The following IFT43 variants were observed in gnomAD, a reference collection of about 807,000 sequenced individuals.
IFT43 encodes the protein intraflagellar transport 43.
Under a neutral mutation model 32.3 loss-of-function variants are expected in IFT43, and 33 were observed. The ratio of observed to expected loss-of-function variants is 1.02; its 90% confidence interval spans 0.77 to 1.37. The LOEUF (loss-of-function observed/expected upper bound fraction) is 1.37, where lower values mean the gene tolerates loss of function less well. IFT43 is among the 40% of genes most tolerant of loss of function. IFT43 has a pLI of 0.00. For missense variants in IFT43, 274 were observed against 265.9 expected, an observed-to-expected ratio of 1.03 and a Z score of -0.21; for synonymous variants, 93 against 98.2, an observed-to-expected ratio of 0.95 and a Z score of 0.31.
intron 2 of IFT43, among the ~76,000 whole-genome samples, chr14:76,011,087 A>ATTC (rs1306075514): frequency 6.6e-6 from 1 of 151,372 alleles, no homozygotes; most frequent in African/African-American, 2.4e-5. Context: ...TATTATTATT[A>ATTC]TTGGTAGAGA....
intron 2 of IFT43, among the ~76,000 whole-genome samples, chr14:75,990,481 C>G (rs977065339): frequency 2.0e-5 from 3 of 152,162 alleles, no homozygotes; most frequent in Admixed American, 2.0e-4. Context: ...GAGGTTGTGT[C>G]TTATCATCGT....
intron 1 of IFT43, among the ~76,000 whole-genome samples, chr14:75,988,296 T>A (rs1286534283): frequency 6.6e-6 from 1 of 152,108 alleles, no homozygotes; most frequent in East Asian, 1.9e-4. Context: ...GGAGGATCAC[T>A]TGAGCCTAGG....
intron 5 of IFT43, among the ~76,000 whole-genome samples, chr14:76,069,669 C>T (rs915580660): frequency 1.3e-5 from 2 of 152,212 alleles, no homozygotes; most frequent in African/African-American, 4.8e-5. Flanking sequence ...CATCTCAGAG[C>T]TAAATTCAAG....
Position 76,015,172 on chromosome 14 carries a change from C to T in IFT43, c.148-7155C>T, listed in dbSNP as rs2036161964. On this transcript the variant is annotated intron_variant, in intron 2 of 8. Transcript: ENST00000314067. ...ATTAATTAAGTCCGTCTCATCCAGA[C>T]AGGGTATTTGTGTGTGCCCCTAACA... Among the ~76,000 whole-genome samples, 3 of 152,312 alleles carry T rather than the reference C, an allele frequency of 2.0e-5. 1 individual carries two copies. The highest frequency in any genetic ancestry group is 7.2e-5 in the African/African-American group (3 of 41,564).
intron 3 of IFT43, among the ~76,000 whole-genome samples, chr14:76,031,285 G>A (rs2036505797): frequency 6.6e-6 from 1 of 152,024 alleles, no homozygotes; most frequent in African/African-American, 2.4e-5. Flanking sequence ...TTTTCTAAAT[G>A]GCTATTGTCC....
chr14:76,039,088 G>T (rs2036657986), intron 3 of IFT43, among the ~76,000 whole-genome samples: 1 of 151,880 alleles, frequency 6.6e-6, no homozygotes, highest in African/African-American at 2.4e-5. Flanking sequence ...AGGCACGCAG[G>T]TCTAATGTTA....
intron 2 of IFT43, among the ~76,000 whole-genome samples, chr14:75,998,745 G>A (rs1221155186): frequency 1.3e-5 from 2 of 152,196 alleles, no homozygotes; most frequent in Admixed American, 6.5e-5. Flanking sequence ...GGCCATGTGT[G>A]CCTGGCACAG....
intron 3 of IFT43, among the ~76,000 whole-genome samples, chr14:76,056,980 C>T (rs2037030652): frequency 6.6e-6 from 1 of 152,200 alleles, no homozygotes; most frequent in East Asian, 1.9e-4. Flanking sequence ...CCCATTCTGT[C>T]TCCTTCTGCC....
chr14:76,003,886 C>A (rs529035850), intron 2 of IFT43, among the ~76,000 whole-genome samples: 2 of 151,964 alleles, frequency 1.3e-5, no homozygotes, highest in Admixed American at 1.3e-4. Flanking sequence ...AAGCAATTCT[C>A]CTGCCTCAGC....
At chr14:76,062,070 C>T (rs763302762) in intron 5 of IFT43, among the ~76,000 whole-genome samples, 3 of 151,238 alleles carry the variant, frequency 2.0e-5, no homozygotes, top group Non-Finnish European at 4.4e-5. Flanking sequence ...CATATTTTTC[C>T]GCTTCTTTTT....
chr14:76,029,958 T>C (rs1490294432), intron 3 of IFT43, among the ~76,000 whole-genome samples: 1 of 151,354 alleles, frequency 6.6e-6, no homozygotes, highest in Admixed American at 6.6e-5. Flanking sequence ...CATAGTTCAC[T>C]GTAACCCAGA....
At chr14:76,057,467 A>C (rs1484716071) in intron 3 of IFT43, among the ~76,000 whole-genome samples, 2 of 152,028 alleles carry the variant, frequency 1.3e-5, no homozygotes, top group Non-Finnish European at 2.9e-5. Context: ...CTGACCTCAA[A>C]TGATCCACCT....
intron 2 of IFT43, chr14:76,014,169 A>G (rs1343048977): frequency 3.9e-6 from 1 of 254,276 alleles, no homozygotes; most frequent in Non-Finnish European, 8.2e-6. Flanking sequence ...TGATTCCAGC[A>G]AGTATGAGCA....
intron 5 of IFT43, among the ~76,000 whole-genome samples, chr14:76,068,747 C>G (rs1162132071): frequency 1.3e-5 from 2 of 152,186 alleles, no homozygotes; most frequent in Non-Finnish European, 2.9e-5. Flanking sequence ...CTGTAGTAGG[C>G]TTGAACTCAG....
Position 76,079,410 on chromosome 14 carries a change from T to C in IFT43, c.296-2885T>C, listed in dbSNP as rs77897616. Reference sequence around the variant, plus strand: ...AGTATTTCATAAAGATCATTGCATTTAATACAGCAACTGACTGGGTGGGCG... The same window carrying C: ...AGTATTTCATAAAGATCATTGCATTCAATACAGCAACTGACTGGGTGGGCG... On this transcript the variant is annotated intron_variant, in intron 5 of 8. Coordinates refer to ENST00000314067, the MANE Select transcript of IFT43 (RefSeq NM_001102564.3). Among the ~76,000 whole-genome samples the C allele has an allele frequency of 5.8e-4, 88 of 152,342 alleles. No individual in the cohort carries two copies. The East Asian group carries it at 0.016, about 27-fold the overall frequency.
At chr14:76,041,175 T>A (rs1271981532) in intron 3 of IFT43, among the ~76,000 whole-genome samples, 1 of 152,232 alleles carries the variant, frequency 6.6e-6, no homozygotes, top group Non-Finnish European at 1.5e-5. Context: ...TCTCAGGATG[T>A]CCTGTGAAGG....
intron 3 of IFT43, among the ~76,000 whole-genome samples, chr14:76,053,764 A>G (rs2036959157): frequency 1.3e-5 from 2 of 152,224 alleles, no homozygotes; most frequent in African/African-American, 2.4e-5. Flanking sequence ...TTAACTTTTC[A>G]AAGTGCTGAT....
chr14:75,996,850 T>G (rs888613348), intron 2 of IFT43, among the ~76,000 whole-genome samples: 15 of 152,228 alleles, frequency 9.9e-5, no homozygotes, highest in African/African-American at 3.4e-4. Context: ...AAAGGAAATA[T>G]TCATTCATTT....
At chr14:76,038,445 A>G (rs1247228583) in intron 3 of IFT43, among the ~76,000 whole-genome samples, 13 of 152,208 alleles carry the variant, frequency 8.5e-5, no homozygotes, top group Non-Finnish European at 1.3e-4. Context: ...ACCATGTGAC[A>G]TCATATCTTT....
Sources: gnomAD v4.1 joint callset for allele counts (sites outside exome capture counted in the v4.1 genomes callset) on GRCh38, gnomAD v4.1.1 for gene constraint, MANE v1.5 for transcripts, NCBI Gene and HGNC (gene_info 2026-07-23, HGNC 2026-07-21) for gene names.